CCT6B: variants seen among roughly 807,000 people sequenced by gnomAD.
The protein encoded by CCT6B is probable T-complex protein 1 subunit zeta-2.
In CCT6B, 49 loss-of-function variants were observed where a neutral mutation model predicts 61.5. The observed-to-expected ratio is 0.80, with a 90% CI of 0.63 to 1.01. The LOEUF is 1.01. Among genes scored for constraint, CCT6B ranks in the 50% least tolerant of loss-of-function variants. CCT6B has a pLI of 0.00. For missense variants in CCT6B, 666 were observed against 634.7 expected (o/e 1.05, Z -0.53); for synonymous variants, 228 against 214.5 (o/e 1.06, Z -0.55).
Position 34,928,967 on chromosome 17 carries a change from G to C in CCT6B, c.1518C>G (p.His506Gln). 28 of 1,567,092 alleles carry C rather than the reference G, an allele frequency of 1.8e-5. No individual in the cohort carries two copies. Among genetic ancestry groups the C allele is most frequent in the Non-Finnish European group, 2.4e-5 (27 of 1,138,096 alleles). Residue 506 changes from histidine to glutamine, a missense_variant, in exon 13 of 14, where the codon CAC becomes CAG. Physicochemically the swap from His to Gln is conservative, Grantham distance 24. Coordinates refer to ENST00000314144, the MANE Select transcript of CCT6B (RefSeq NM_006584.4). ...TTATGTTCATATGAACTTACCAAGAGTGAAGAAGTTGTTTTTTTACACAAT... is the reference window on the plus strand; with the variant it reads ...TTATGTTCATATGAACTTACCAAGACTGAAGAAGTTGTTTTTTTACACAAT... ...DNYCVKKQLL[H>Q]SCTVIATNIL...
chr17:34,961,241 C>A lies in CCT6B; in HGVS notation c.137+16G>T. 1 of 1,591,364 alleles carries A rather than the reference C, an allele frequency of 6.3e-7. No individual in the cohort carries two copies. The highest frequency in any genetic ancestry group is 1.1e-5 in the South Asian group (1 of 88,390). ...GGCCCCTAGCCGCGTAATGGCCGCT[C>A]CAACCGCTGTCTCACATTTTCATGG... On this transcript the variant is annotated intron_variant, in intron 1 of 13. Coordinates refer to ENST00000314144, the MANE Select transcript of CCT6B (RefSeq NM_006584.4).
intron 7 of CCT6B, among the ~76,000 whole-genome samples, chr17:34,941,413 T>C (rs1390544433): frequency 6.6e-6 from 1 of 152,198 alleles, no homozygotes; most frequent in Non-Finnish European, 1.5e-5. Context: ...CCTATCTCAG[T>C]GAACAAAAAC....
intron 12 of CCT6B, 65 bp downstream of exon 12, chr17:34,930,884 A>G (rs912637462): frequency 1.5e-5 from 12 of 791,376 alleles, no homozygotes; most frequent in African/African-American, 3.4e-5. Flanking sequence ...CTCCTTTACC[A>G]TAAGATCTGG....
chr17:34,934,698 G>C lies in CCT6B; in HGVS notation c.1214-2198C>G, dbSNP rs567326274. Among the ~76,000 whole-genome samples the C allele has an allele frequency of 1.5e-4, 23 of 152,294 alleles. 2 individuals are homozygous for C. In the South Asian group the frequency reaches 4.8e-3, roughly 32 times the overall value. On this transcript the variant is annotated intron_variant, in intron 10 of 13. Transcript: ENST00000314144. The stretch of plus-strand genomic sequence containing the variant: ...TCCCACAAAGAAAACTCCAGGCTCA[G>C]ATGGCTTTATTGACAGTCTACCAAC...
intron 4 of CCT6B, among the ~76,000 whole-genome samples, chr17:34,952,871 C>T (rs866383973): frequency 2.0e-5 from 3 of 152,042 alleles, no homozygotes; most frequent in Non-Finnish European, 4.4e-5. Context: ...GGACAAAGGC[C>T]ATTGGATAGT....
Position 34,928,007 on chromosome 17 carries a change from T to A in CCT6B, c.*41A>T, listed in dbSNP as rs1458632988. 6.9e-7 allele frequency: 1 copy of A among 1,459,150 alleles called. No homozygotes were observed. The highest frequency in any genetic ancestry group is 1.2e-5 in the South Asian group (1 of 85,088). 90.4% of individuals were successfully genotyped at this position (1,459,150 alleles called of 1,614,324 possible). On this transcript the variant is annotated 3_prime_UTR_variant, in exon 14 of 14. Transcript: ENST00000314144. Reference sequence around the variant, plus strand: ...AATAGTAGTCAGATGTAAAGTGTACTAAATTTCATCTTCTAGAAGGGTTGA... The same window carrying A: ...AATAGTAGTCAGATGTAAAGTGTACAAAATTTCATCTTCTAGAAGGGTTGA...
Position 34,955,941 on chromosome 17 carries a change from G to A in CCT6B, c.337-1342C>T, listed in dbSNP as rs1384393117. Among the ~76,000 whole-genome samples, 4 of 152,276 alleles carry A rather than the reference G, an allele frequency of 2.6e-5. No homozygotes were observed. The East Asian group carries it at 7.7e-4, about 29-fold the overall frequency. On this transcript the variant is annotated intron_variant, in intron 3 of 13. Transcript: ENST00000314144. ...CATGAGACCTGACTTTAGAGCCTAT[G>A]TTATTAACCATTTTCAAAAATGTCT...
chr17:34,953,382 G>A (rs2090314442), intron 4 of CCT6B, among the ~76,000 whole-genome samples: 1 of 149,930 alleles, frequency 6.7e-6, no homozygotes, highest in African/African-American at 2.4e-5. Context: ...CCAGGCTAGA[G>A]TGCAATGGCA....
intron 10 of CCT6B, 80 bp from the exon 11 acceptor site, chr17:34,932,580 A>C: frequency 7.7e-7 from 1 of 1,297,724 alleles, no homozygotes; most frequent in Non-Finnish European, 1.1e-6. Context: ...GCAATTCACT[A>C]TTTAAGTATG....
At chr17:34,960,711 CCCT>C (rs2090403808) in intron 1 of CCT6B, among the ~76,000 whole-genome samples, 1 of 152,104 alleles carries the variant, frequency 6.6e-6, no homozygotes. Flanking sequence ...TCCTCTTATA[CCCT>C]TTTGCCCTCA....
intron 10 of CCT6B, among the ~76,000 whole-genome samples, chr17:34,935,277 T>C (rs943611897): frequency 1.3e-5 from 2 of 152,124 alleles, no homozygotes; most frequent in African/African-American, 2.4e-5. Context: ...TATTGTTTAA[T>C]GGGTTCAGAG....
rs779331570 is a variant in CCT6B, at chr17:34,952,006, A to G, written c.558T>C (p.Ile186=). 3 of 1,610,550 alleles carry G rather than the reference A, an allele frequency of 1.9e-6. No homozygotes were observed. The highest frequency in any genetic ancestry group is 2.5e-6 in the Non-Finnish European group (3 of 1,177,422). Reference sequence around the variant, plus strand: ...CCATTATTTCTACCATGAAGAGATCAATAGGGTAACCTGGTCTTCTAACAG... The same window carrying G: ...CCATTATTTCTACCATGAAGAGATCGATAGGGTAACCTGGTCTTCTAACAG... The part of the protein sequence containing the change: ...VLAVRRPGYP[I]DLFMVEIMEM... Residue 186 remains isoleucine, a synonymous_variant, in exon 5 of 14, where the codon ATT becomes ATC. Transcript: ENST00000314144.
At chr17:34,939,789 A>C (rs2090139923) in intron 8 of CCT6B, 76 bp from the exon 9 acceptor site, 3 of 901,298 alleles carry the variant, frequency 3.3e-6, no homozygotes, top group Non-Finnish European at 5.6e-6. Context: ...AAGATATCTA[A>C]TGCAGAAGAC....
intron 5 of CCT6B, among the ~76,000 whole-genome samples, chr17:34,946,034 T>C (rs2142160888): frequency 6.6e-6 from 1 of 152,338 alleles, no homozygotes; most frequent in South Asian, 2.1e-4. Flanking sequence ...CAGGAGACCC[T>C]CTTCACATTA....
intron 3 of CCT6B, 53 bp from the exon 4 acceptor site, chr17:34,954,652 A>T: frequency 2.1e-6 from 3 of 1,416,744 alleles, no homozygotes; most frequent in Non-Finnish European, 2.9e-6. Flanking sequence ...CCAATGTAAA[A>T]GTAACCAACC....
intron 1 of CCT6B, among the ~76,000 whole-genome samples, chr17:34,960,586 T>C (rs929972115): frequency 6.6e-6 from 1 of 152,118 alleles, no homozygotes; most frequent in African/African-American, 2.4e-5. Flanking sequence ...CTCTACCACA[T>C]CTCCTTAAGA....
chr17:34,937,874 T>TTCTTC (rs932811518), intron 10 of CCT6B, among the ~76,000 whole-genome samples: 4 of 131,684 alleles, frequency 3.0e-5, no homozygotes, highest in African/African-American at 1.0e-4. Flanking sequence ...ACAAATTTTT[T>TTCTTC]TCTTTTCTTT....
chr17:34,940,581 C>T lies in CCT6B; in HGVS notation c.926G>A (p.Gly309Glu). ...TTTTGCTCTGCGAAGAGCTACTATT[C>T]CATGTTTTGCAAGAGAATCTAAGGA... ...PFSLDSLAKH[G>E]IVALRRAKRR... Residue 309 changes from glycine (G) to glutamate (E), a missense_variant, in exon 8 of 14, where the codon GGA (glycine) becomes GAA (glutamate). Physicochemically the swap from Gly to Glu is moderately conservative, Grantham distance 98. Coordinates refer to ENST00000314144, the MANE Select transcript of CCT6B (RefSeq NM_006584.4). 1.9e-6 allele frequency: 3 copies of T among 1,581,350 alleles called. No individual in the cohort carries two copies. The highest frequency in any genetic ancestry group is 2.6e-6 in the Non-Finnish European group (3 of 1,162,016).
rs1304648214 is a variant in CCT6B at position 34,942,558 on chromosome 17, CTCTA to C, written c.807_810del (p.Asp269GlufsTer5). 1.2e-6 allele frequency: 2 copies of C among 1,607,218 alleles called. No individual in the cohort carries two copies. Among genetic ancestry groups the C allele is most frequent in the Non-Finnish European group, 1.7e-6 (2 of 1,176,644 alleles). ...TCCTTCAGGTCTATTATTTTTTGTA[CTCTA>C]TCTTCAATAAATTTTCTTTCAGCTT... On this transcript the variant is annotated frameshift_variant, in exon 7 of 14. Transcript: ENST00000314144. LOFTEE classifies it high-confidence loss of function.
Sources: gnomAD v4.1 joint callset for allele counts (sites outside exome capture counted in the v4.1 genomes callset) on GRCh38, gnomAD v4.1.1 for gene constraint, MANE v1.5 for transcripts, NCBI Gene and HGNC (gene_info 2026-07-23, HGNC 2026-07-21) for gene names.